Variants in AUTS2 observed in about 807,000 individuals in gnomAD.
The protein encoded by AUTS2 is activator of transcription and developmental regulator AUTS2.
AUTS2 carries 17 observed loss-of-function variants against 112.4 expected under a neutral mutation model. The ratio of observed to expected loss-of-function variants is 0.15; its 90% CI spans 0.10 to 0.23. The LOEUF is 0.23. AUTS2 is among the 10% of genes least tolerant of loss of function. AUTS2 has a pLI of 1.00. For missense variants in AUTS2, 1,510 were observed against 1,701.6 expected (o/e 0.89, Z 1.98); for synonymous variants, 751 against 702.7 (o/e 1.07, Z -1.09).
At chr7:70,211,378 G>A (rs914865503) in intron 4 of AUTS2, among the ~76,000 whole-genome samples, 2 of 150,966 alleles carry the variant, frequency 1.3e-5, no homozygotes, top group East Asian at 3.9e-4. Flanking sequence ...GGCCGGGCGC[G>A]GTGGTTCACG....
chr7:70,140,947 G>A (rs1380585570), intron 4 of AUTS2, among the ~76,000 whole-genome samples: 1 of 152,156 alleles, frequency 6.6e-6, no homozygotes, highest in East Asian at 1.9e-4. Context: ...TAACGTGTAA[G>A]CATGGCTCTC....
intron 1 of AUTS2, among the ~76,000 whole-genome samples, chr7:69,727,145 C>G (rs1389691043): frequency 2.0e-5 from 3 of 152,114 alleles, no homozygotes; most frequent in Non-Finnish European, 2.9e-5. Flanking sequence ...CTTTATTTAT[C>G]TTTTGGTGTA....
chr7:70,547,475 G>A (rs1006310731), intron 5 of AUTS2, among the ~76,000 whole-genome samples: 1 of 152,058 alleles, frequency 6.6e-6, no homozygotes, highest in Non-Finnish European at 1.5e-5. Context: ...GGATGGTCTC[G>A]ATCTCTCCAC....
chr7:70,385,439 A>G (rs772415776), intron 4 of AUTS2, among the ~76,000 whole-genome samples: 4 of 152,248 alleles, frequency 2.6e-5, no homozygotes, highest in Non-Finnish European at 4.4e-5. Flanking sequence ...TTTAACTCTC[A>G]TTCTGCCACA....
intron 1 of AUTS2, among the ~76,000 whole-genome samples, chr7:69,649,569 G>A (rs1392620864): frequency 6.6e-6 from 1 of 151,424 alleles, no homozygotes; most frequent in Non-Finnish European, 1.5e-5. Context: ...TCCTTTCCGT[G>A]GCCAACTCAA....
chr7:70,366,316 C>A (rs62455209), intron 4 of AUTS2, among the ~76,000 whole-genome samples: 2 of 151,992 alleles, frequency 1.3e-5, no homozygotes, highest in South Asian at 4.2e-4. Context: ...CAAAGAAGGA[C>A]GTAGCTAAAG....
chr7:69,599,740 G>C lies in AUTS2; in HGVS notation c.87G>C (p.Gly29=). The C allele has an allele frequency of 7.4e-7, 1 of 1,349,664 alleles. No homozygotes were observed. Among genetic ancestry groups the C allele is most frequent in the South Asian group, 2.1e-5 (1 of 47,880 alleles). The allele number at this position is 1,349,664 out of a possible 1,614,324, so 83.6% of individuals were successfully genotyped here. A position where few individuals can be genotyped will look rare whatever the true frequency, so the allele number is the denominator to read the frequency against. ...ACCGGGAGAGGCGCTCCCGGGGCGGGCTGGGGGCCGGCGCGGCCGGCGGCG... is the reference window on the plus strand; with the variant it reads ...ACCGGGAGAGGCGCTCCCGGGGCGGCCTGGGGGCCGGCGCGGCCGGCGGCG... ...QRDRERRSRG[G]LGAGAAGGGG... The change falls in exon 1 of 19, where the codon GGG becomes GGC. Residue 29 remains glycine, a synonymous_variant. Coordinates refer to ENST00000342771, the MANE Select transcript of AUTS2 (RefSeq NM_015570.4). The surrounding 1 kb of genome is among the most constrained non-coding windows in gnomAD (Gnocchi z 7.0).
intron 4 of AUTS2, among the ~76,000 whole-genome samples, chr7:70,213,395 A>G (rs563106648): frequency 1.2e-4 from 18 of 150,998 alleles, no homozygotes; most frequent in Middle Eastern, 6.9e-3. Context: ...GTGCAGCAGC[A>G]TATGCCTGTA....
At chr7:70,294,641 T>C (rs1363110481) in intron 4 of AUTS2, among the ~76,000 whole-genome samples, 6 of 152,226 alleles carry the variant, frequency 3.9e-5, no homozygotes, top group Non-Finnish European at 7.3e-5. Flanking sequence ...CCTTTGCTTC[T>C]TGCTCAGCAC....
chr7:70,281,199 A>C (rs935743203), intron 4 of AUTS2, among the ~76,000 whole-genome samples: 3 of 152,188 alleles, frequency 2.0e-5, no homozygotes, highest in Admixed American at 6.5e-5. Flanking sequence ...TCTTAAAGTT[A>C]AGCTTTTTAT....
At chr7:70,416,909 T>G (rs892166806) in intron 4 of AUTS2, among the ~76,000 whole-genome samples, 4 of 152,176 alleles carry the variant, frequency 2.6e-5, no homozygotes, top group African/African-American at 4.8e-5. Flanking sequence ...AGTACCAAGT[T>G]GCTGGAATGC....
Position 69,926,429 on chromosome 7 carries a change from A to ATCTG in AUTS2, c.522+26947_522+26950dup, listed in dbSNP as rs202099756. Among the ~76,000 whole-genome samples, 701 of 139,512 alleles carry ATCTG rather than the reference A, an allele frequency of 5.0e-3. 4 individuals are homozygous for ATCTG. Among genetic ancestry groups the ATCTG allele is most frequent in the African/African-American group, 0.012 (456 of 38,050 alleles). The allele number at this position is 139,512 out of a possible 152,430, so 91.5% of individuals were successfully genotyped here. On this transcript the variant is annotated intron_variant, in intron 2 of 18. Coordinates refer to ENST00000342771, the MANE Select transcript of AUTS2 (RefSeq NM_015570.4). ...GGTAATAGTCTTTGCTCTGAAATCTATCTGTCTGTCTGTCTGTCTATCTAT... is the reference window on the plus strand; with the variant it reads ...GGTAATAGTCTTTGCTCTGAAATCTATCTGTCTGTCTGTCTGTCTGTCTATCTAT...
intron 4 of AUTS2, among the ~76,000 whole-genome samples, chr7:70,300,494 G>A (rs1010645920): frequency 6.6e-6 from 1 of 152,146 alleles, no homozygotes; most frequent in African/African-American, 2.4e-5. Flanking sequence ...AATATTAATA[G>A]AAAAATTGTG....
chr7:70,750,035 A>G (rs898107422), intron 6 of AUTS2, among the ~76,000 whole-genome samples: 1 of 152,198 alleles, frequency 6.6e-6, no homozygotes, highest in Non-Finnish European at 1.5e-5. Context: ...CTGCAGTGAT[A>G]TTGGCAAAAG....
At chr7:69,893,378 T>A (rs1794607660) in intron 1 of AUTS2, among the ~76,000 whole-genome samples, 3 of 152,194 alleles carry the variant, frequency 2.0e-5, no homozygotes, top group Admixed American at 2.0e-4. Flanking sequence ...TGGAGACTCA[T>A]TATTGGTAGA....
intron 5 of AUTS2, among the ~76,000 whole-genome samples, chr7:70,685,472 CAA>C (rs34403837): frequency 4.2e-4 from 28 of 65,950 alleles, no homozygotes; most frequent in South Asian, 2.1e-3. Context: ...GACTCTGTCT[CAA>C]AAAAAAAAAA....
intron 1 of AUTS2, among the ~76,000 whole-genome samples, chr7:69,883,761 C>G (rs1431239707): frequency 1.3e-5 from 2 of 152,216 alleles, no homozygotes; most frequent in African/African-American, 4.8e-5. Flanking sequence ...CCTCACACAG[C>G]AGGCCTGGCC....
At chr7:69,709,336 T>A (rs1798209867) in intron 1 of AUTS2, among the ~76,000 whole-genome samples, 2 of 152,310 alleles carry the variant, frequency 1.3e-5, no homozygotes, top group South Asian at 4.1e-4. Flanking sequence ...GGGTGCTGTG[T>A]GTTCATTGTA....
intron 6 of AUTS2, among the ~76,000 whole-genome samples, chr7:70,708,576 A>C (rs1269035761): frequency 6.6e-6 from 1 of 151,972 alleles, no homozygotes; most frequent in African/African-American, 2.4e-5. Flanking sequence ...TATAATAGCA[A>C]ACTCACTAAT....
Sources: gnomAD v4.1 joint callset for allele counts (sites outside exome capture counted in the v4.1 genomes callset) on GRCh38, gnomAD v4.1.1 for gene constraint, Gnocchi (gnomAD v3.1) non-coding constraint, MANE v1.5 for transcripts, NCBI Gene and HGNC (gene_info 2026-07-23, HGNC 2026-07-21) for gene names.